Variants in ERAP1 observed in about 807,000 individuals in gnomAD.
The protein encoded by ERAP1 is adipocyte-derived leucine aminopeptidase.
In ERAP1, 86 loss-of-function variants were observed where a neutral mutation model predicts 103.7. The observed-to-expected ratio is 0.83, with a 90% confidence interval of 0.70 to 0.99. The LOEUF (loss-of-function observed/expected upper bound fraction) is 0.99, where lower values mean the gene tolerates loss of function less well. ERAP1 is among the 50% of genes least tolerant of loss of function. The pLI is 0.00. For missense variants in ERAP1, 1,009 were observed against 1,128.4 expected, an observed-to-expected ratio of 0.89 and a Z score of 1.52; for synonymous variants, 398 against 402.4, an observed-to-expected ratio of 0.99 and a Z score of 0.13.
chr5:96,934,602 TGAGG>T, the ERAP1 span: 19 of 152,372 alleles, frequency 1.2e-4, no homozygotes, highest in African/African-American at 4.6e-4. Context: ...GCGTGCGTTG[TGAGG>T]GATGTAATAA....
intron 8 of ERAP1, among the ~76,000 whole-genome samples, chr5:96,791,022 G>A (rs981020050): frequency 2.0e-5 from 3 of 152,224 alleles, no homozygotes; most frequent in African/African-American, 4.8e-5. Flanking sequence ...GCAGGACTAA[G>A]GAGAGGCCAG....
At chr5:96,853,149 G>A in the ERAP1 span, among the ~76,000 whole-genome samples, 5 of 152,150 alleles carry the variant, frequency 3.3e-5, no homozygotes, top group African/African-American at 9.7e-5. Flanking sequence ...AGGCACATAA[G>A]GGATCAAGGC....
chr5:96,839,654 A>C, the ERAP1 span, among the ~76,000 whole-genome samples: 1 of 152,130 alleles, frequency 6.6e-6, no homozygotes, highest in African/African-American at 2.4e-5. Context: ...AGCCATTTTT[A>C]CCTGTCTCAT....
At chr5:96,767,424 G>T in intron 19 of ERAP1, 1 of 1,608,156 alleles carries the variant, frequency 6.2e-7, no homozygotes, top group Non-Finnish European at 8.5e-7. Context: ...CCAATAGTCT[G>T]CCTTCTTTTT....
the ERAP1 span, among the ~76,000 whole-genome samples, chr5:96,924,981 G>C: frequency 5.9e-3 from 897 of 152,210 alleles, 5 homozygotes; most frequent in South Asian, 9.1e-3. Flanking sequence ...TATATAGGTA[G>C]GCCCATCATC....
chr5:96,877,536 C>T, the ERAP1 span, among the ~76,000 whole-genome samples: 142 of 152,352 alleles, frequency 9.3e-4, no homozygotes, highest in African/African-American at 3.2e-3. Context: ...GTGCCAACTT[C>T]TTCACATGAA....
chr5:96,774,268 T>G (rs1773512746), downstream of ERAP1: 1 of 156,124 alleles, frequency 6.4e-6, no homozygotes, highest in African/African-American at 2.4e-5. Flanking sequence ...TGGAAGTATT[T>G]TTAAATGGCA....
chr5:96,904,318 T>G, the ERAP1 span, among the ~76,000 whole-genome samples: 82 of 152,344 alleles, frequency 5.4e-4, no homozygotes, highest in South Asian at 0.017. Flanking sequence ...AAGTATATTG[T>G]GCATTGCAAG....
chr5:96,767,929 C>T (rs747618954), intron 19 of ERAP1: 1 of 1,613,326 alleles, frequency 6.2e-7, no homozygotes, highest in Non-Finnish European at 8.5e-7. Flanking sequence ...GACCAAGACC[C>T]CATTGATGCT....
chr5:96,841,747 CTTT>C, the ERAP1 span, among the ~76,000 whole-genome samples: 2,296 of 108,516 alleles, frequency 0.021, 29 homozygotes, highest in African/African-American at 0.04. Context: ...TCTTCTTCTT[CTTT>C]TTTTTTTTTT....
At chr5:96,763,509 A>G (rs931571402) in intron 19 of ERAP1, among the ~76,000 whole-genome samples, 1 of 152,246 alleles carries the variant, frequency 6.6e-6, no homozygotes. Flanking sequence ...GAAGGCTATC[A>G]GTAAACATTT....
the ERAP1 span, among the ~76,000 whole-genome samples, chr5:96,885,614 G>A: frequency 2.6e-5 from 4 of 152,284 alleles, no homozygotes; most frequent in East Asian, 7.7e-4. Flanking sequence ...AAAGCAAATC[G>A]TAATCTTATC....
Position 96,776,034 on chromosome 5 carries a change from T to A in ERAP1, c.*362A>T. On this transcript the variant is annotated 3_prime_UTR_variant, in exon 19 of 19. Transcript: ENST00000443439. ...TTGTTCAGTAGTCGACTATTCAGAG[T>A]CTTTCGAGGAGACTGATGAAACAGT... The A allele has an allele frequency of 2.6e-6, 3 of 1,156,692 alleles. No individual in the cohort carries two copies. Among genetic ancestry groups the A allele is most frequent in the Non-Finnish European group, 3.2e-6 (3 of 924,012 alleles). The allele number at this position is 1,156,692 out of a possible 1,614,324, so 71.7% of individuals were successfully genotyped here. A position where few individuals can be genotyped will look rare whatever the true frequency, so the allele number is the denominator to read the frequency against.
At chr5:96,842,397 C>T in the ERAP1 span, among the ~76,000 whole-genome samples, 13 of 152,200 alleles carry the variant, frequency 8.5e-5, no homozygotes, top group African/African-American at 2.9e-4. Flanking sequence ...AGTTTACTTT[C>T]ACACCAGCAG....
the ERAP1 span, chr5:96,901,451 C>A: frequency 5.6e-5 from 87 of 1,563,564 alleles, no homozygotes; most frequent in East Asian, 1.1e-3. Context: ...TTCTGTCCCT[C>A]TGTCTTTGGA....
the ERAP1 span, among the ~76,000 whole-genome samples, chr5:96,922,924 A>C: frequency 2.0e-5 from 3 of 152,196 alleles, no homozygotes; most frequent in Admixed American, 2.0e-4. Flanking sequence ...TCTAGTTTCA[A>C]ACAACTGTGC....
At chr5:96,761,664 T>C (rs1398493847) in exon 20 of ERAP1, 1 of 152,206 alleles carries the variant, frequency 6.6e-6, no homozygotes, top group Non-Finnish European at 1.5e-5. Flanking sequence ...ATGAAGCAAA[T>C]ATTCAATATT....
chr5:96,780,751 CAG>C (rs1775048145), intron 17 of ERAP1, among the ~76,000 whole-genome samples: 1 of 152,140 alleles, frequency 6.6e-6, no homozygotes, highest in Admixed American at 6.5e-5. Context: ...TAGACAAAGA[CAG>C]ATGTGAACAA....
intron 19 of ERAP1, chr5:96,768,003 CTG>C (rs752706348): frequency 9.4e-6 from 15 of 1,596,878 alleles, no homozygotes; most frequent in Non-Finnish European, 1.3e-5. Flanking sequence ...AGCAAAGGTA[CTG>C]TGCTTTTTCA....
Sources: allele counts gnomAD v4.1 joint callset (sites outside exome capture counted in the v4.1 genomes callset), GRCh38; gene constraint gnomAD v4.1.1; transcripts MANE v1.5; gene names NCBI Gene and HGNC (gene_info 2026-07-23, HGNC 2026-07-21).